Variants in MACROD2 observed in about 807,000 individuals in gnomAD.
The protein encoded by MACROD2 is mono-ADP ribosylhydrolase 2, also known as ADP-ribose glycohydrolase MACROD2.
Under a neutral mutation model 70.4 loss-of-function variants are expected in MACROD2, and 36 were observed. That is an observed-to-expected ratio of 0.51 (90% CI 0.39 to 0.68). The LOEUF is 0.68. MACROD2 is among the 30% of genes least tolerant of loss of function. MACROD2 has a pLI of 0.00. For synonymous variants in MACROD2, 172 were observed against 178.8 expected (o/e 0.96, Z 0.30); for missense variants, 496 against 538.4 (o/e 0.92, Z 0.78).
chr20:15,130,258 A>G (rs555792787), intron 5 of MACROD2, among the ~76,000 whole-genome samples: 1 of 151,942 alleles, frequency 6.6e-6, no homozygotes, highest in Non-Finnish European at 1.5e-5. Flanking sequence ...CCATTCATCC[A>G]TCCACCCATC....
chr20:16,030,332 C>T (rs2067136507), intron 15 of MACROD2, among the ~76,000 whole-genome samples: 1 of 152,116 alleles, frequency 6.6e-6, no homozygotes, highest in Non-Finnish European at 1.5e-5. Flanking sequence ...CCAAGGAAAA[C>T]CTCCAAATGA....
At chr20:14,780,259 G>T (rs1443433352) in intron 5 of MACROD2, among the ~76,000 whole-genome samples, 2 of 151,416 alleles carry the variant, frequency 1.3e-5, no homozygotes, top group Non-Finnish European at 2.9e-5. Flanking sequence ...TGACATTAAA[G>T]TGCTCTTAAA....
At chr20:14,242,107 T>C (rs868581866) in intron 3 of MACROD2, among the ~76,000 whole-genome samples, 1 of 152,300 alleles carries the variant, frequency 6.6e-6, no homozygotes, top group African/African-American at 2.4e-5. Context: ...AATTTGGATG[T>C]TCTCTGTTCA....
chr20:15,530,471 G>A (rs944178489), intron 8 of MACROD2, among the ~76,000 whole-genome samples: 5 of 151,958 alleles, frequency 3.3e-5, no homozygotes, highest in East Asian at 3.9e-4. Context: ...GGTGGCTCAC[G>A]CCTGTAATCC....
At chr20:15,206,800 A>G (rs2076711177) in intron 5 of MACROD2, among the ~76,000 whole-genome samples, 1 of 135,360 alleles carries the variant, frequency 7.4e-6, no homozygotes, top group African/African-American at 2.9e-5. Flanking sequence ...GCAGTGGCGC[A>G]ATCTCGGCTC....
intron 8 of MACROD2, among the ~76,000 whole-genome samples, chr20:15,525,362 CA>C (rs886274242): frequency 2.6e-5 from 4 of 152,204 alleles, no homozygotes; most frequent in African/African-American, 9.7e-5. Flanking sequence ...TGGTCAGCCA[CA>C]ACTGTTGGAT....
intron 6 of MACROD2, among the ~76,000 whole-genome samples, chr20:15,246,583 G>A (rs1399273462): frequency 6.6e-6 from 1 of 152,222 alleles, no homozygotes; most frequent in East Asian, 1.9e-4. Context: ...AAGGGTTAAT[G>A]AGGATATTAA....
At chr20:15,682,283 A>C (rs150223628) in intron 8 of MACROD2, among the ~76,000 whole-genome samples, 85 of 152,340 alleles carry the variant, frequency 5.6e-4, no homozygotes, top group South Asian at 1.5e-3. Flanking sequence ...TTTAATAGGA[A>C]AGATTTTTAG....
At chr20:15,712,261 T>G (rs2050639794) in intron 8 of MACROD2, among the ~76,000 whole-genome samples, 1 of 152,260 alleles carries the variant, frequency 6.6e-6, no homozygotes, top group Admixed American at 6.5e-5. Context: ...AACTCTGTGT[T>G]GTGCATAAAA....
intron 13 of MACROD2, among the ~76,000 whole-genome samples, chr20:15,981,975 T>G (rs2066406814): frequency 6.8e-6 from 1 of 146,370 alleles, no homozygotes; most frequent in Non-Finnish European, 1.5e-5. Flanking sequence ...ACAGACATAC[T>G]TTTTTTTTTT....
intron 5 of MACROD2, among the ~76,000 whole-genome samples, chr20:14,771,635 A>G (rs866771710): frequency 3.5e-4 from 51 of 147,332 alleles, no homozygotes; most frequent in African/African-American, 1.3e-3. Context: ...TGTAATATTT[A>G]TCCAAAAATA....
At chr20:14,184,413 T>C (rs1032884916) in intron 3 of MACROD2, among the ~76,000 whole-genome samples, 2 of 152,178 alleles carry the variant, frequency 1.3e-5, no homozygotes, top group Non-Finnish European at 2.9e-5. Context: ...AGTACCATGC[T>C]GTTTTGGTTA....
At chr20:14,506,702 G>A (rs2123136743) in intron 4 of MACROD2, among the ~76,000 whole-genome samples, 1 of 152,266 alleles carries the variant, frequency 6.6e-6, no homozygotes, top group East Asian at 1.9e-4. Context: ...TGTAATCCCA[G>A]CATTTTGGGA....
intron 8 of MACROD2, among the ~76,000 whole-genome samples, chr20:15,841,888 G>T (rs928780015): frequency 2.0e-5 from 3 of 152,102 alleles, no homozygotes; most frequent in African/African-American, 7.2e-5. Flanking sequence ...AAACAAGAGG[G>T]TTCAGTTCTA....
intron 6 of MACROD2, among the ~76,000 whole-genome samples, chr20:15,255,556 G>A (rs968413124): frequency 2.6e-5 from 4 of 152,132 alleles, no homozygotes; most frequent in African/African-American, 9.7e-5. Flanking sequence ...TCACAAGATA[G>A]GAAATTGTCT....
At position 14,092,242 on chromosome 20, in the gene MACROD2, G is replaced by A. The variant is rs181555977; in HGVS notation, c.271+6514G>A. Reference sequence around the variant, plus strand: ...CAGCATCATCATTATTTTAATTTGTGTTTCCCCAAAGGTTAATTATGTCAA... The same window carrying A: ...CAGCATCATCATTATTTTAATTTGTATTTCCCCAAAGGTTAATTATGTCAA... On this transcript the variant is annotated intron_variant, in intron 3 of 17. Transcript: ENST00000684519. Among the ~76,000 whole-genome samples, 6 of 151,742 alleles carry A rather than the reference G, an allele frequency of 4.0e-5. No individual in the cohort carries two copies. In the East Asian group the frequency reaches 1.2e-3, roughly 29 times the overall value.
chr20:15,556,263 AG>A (rs1236385290), intron 8 of MACROD2, among the ~76,000 whole-genome samples: 2 of 152,224 alleles, frequency 1.3e-5, no homozygotes, highest in African/African-American at 4.8e-5. Flanking sequence ...GTTGTGTGAG[AG>A]GCTCGTTCAT....
intron 8 of MACROD2, among the ~76,000 whole-genome samples, chr20:15,600,280 T>G (rs2146686464): frequency 6.6e-6 from 1 of 152,296 alleles, no homozygotes; most frequent in East Asian, 1.9e-4. Context: ...TACATTTGCT[T>G]CTTCCAAGTT....
At chr20:15,131,224 T>C (rs1400087386) in intron 5 of MACROD2, among the ~76,000 whole-genome samples, 1 of 152,026 alleles carries the variant, frequency 6.6e-6, no homozygotes, top group African/African-American at 2.4e-5. Context: ...AAATAAAATG[T>C]AGGGAATCAA....
Sources: gnomAD v4.1 joint callset for allele counts (sites outside exome capture counted in the v4.1 genomes callset) on GRCh38, gnomAD v4.1.1 for gene constraint, MANE v1.5 for transcripts, NCBI Gene and HGNC (gene_info 2026-07-23, HGNC 2026-07-21) for gene names.